Variants in KCNAB2 observed in about 807,000 individuals in gnomAD.
KCNAB2 encodes voltage-gated potassium channel subunit beta-2.
Under a neutral mutation model 63.6 loss-of-function variants are expected in KCNAB2, and 29 were observed. That is an observed-to-expected ratio of 0.46 (90% CI 0.34 to 0.62). The LOEUF is 0.62. KCNAB2 is among the 20% of genes least tolerant of loss of function. The pLI, the probability that KCNAB2 is intolerant of heterozygous loss-of-function variation, is 0.01. For missense variants in KCNAB2, 359 were observed against 563.9 expected, an observed-to-expected ratio of 0.64 and a Z score of 3.68; for synonymous variants, 222 against 224.2, an observed-to-expected ratio of 0.99 and a Z score of 0.09.
At chr1:5,993,769 C>A (rs1386626312) in intron 1 of KCNAB2, among the ~76,000 whole-genome samples, 1 of 152,232 alleles carries the variant, frequency 6.6e-6, no homozygotes, top group Non-Finnish European at 1.5e-5. Context: ...CCCCCACTTT[C>A]CTGCTCAGCC....
chr1:6,025,310 G>T (rs1265481464), intron 1 of KCNAB2, among the ~76,000 whole-genome samples: 1 of 152,116 alleles, frequency 6.6e-6, no homozygotes, highest in Non-Finnish European at 1.5e-5. Context: ...TGGGACCAGG[G>T]ACTCAACACG....
intron 2 of KCNAB2, among the ~76,000 whole-genome samples, chr1:6,056,478 C>A (rs1021385563): frequency 2.6e-5 from 4 of 152,218 alleles, no homozygotes; most frequent in Non-Finnish European, 4.4e-5. Context: ...GCACACACTT[C>A]CCCTCCCCTG....
chr1:6,096,133 GCACTGGGGCC>G lies in KCNAB2; in HGVS notation c.949-499_949-490del. 2.2e-6 allele frequency: 1 copy of G among 457,560 alleles called. No homozygotes were observed. The highest frequency in any genetic ancestry group is 2.0e-5 in the African/African-American group (1 of 50,196). 28.3% of individuals were successfully genotyped at this position (457,560 alleles called of 1,614,324 possible). A position where few individuals can be genotyped will look rare whatever the true frequency, so the allele number is the denominator to read the frequency against. ...AAAGTCTGCCCAGCCAGCAGTCTCA[GCACTGGGGCC>G]CACAGCCCTGGGTTCCAGGGCAACG... On this transcript the variant is annotated intron_variant, in intron 13 of 15. Coordinates refer to ENST00000378083, the MANE Select transcript of KCNAB2 (RefSeq NM_001199862.2). The surrounding 1 kb of genome is among the most constrained non-coding windows in gnomAD (Gnocchi z 5.9).
chr1:6,012,158 G>A (rs1207557759), intron 1 of KCNAB2, among the ~76,000 whole-genome samples: 18 of 150,638 alleles, frequency 1.2e-4, no homozygotes, highest in African/African-American at 4.2e-4. Context: ...AGGTGATGAA[G>A]GTGGAGGTGG....
rs1470917559 is a variant in KCNAB2, at chr1:6,095,645, G to A, written c.948+21G>A. ...TGAAGGTGAAGGAACAGCCTGGTGGGGAGGGACGGGCAGGGGATAGGCATT... is the reference window on the plus strand; with the variant it reads ...TGAAGGTGAAGGAACAGCCTGGTGGAGAGGGACGGGCAGGGGATAGGCATT... On this transcript the variant is annotated intron_variant, in intron 13 of 15. Coordinates refer to ENST00000378083, the MANE Select transcript of KCNAB2 (RefSeq NM_001199862.2). 4 of 1,609,132 alleles carry A rather than the reference G, an allele frequency of 2.5e-6. No homozygotes were observed. In the African/African-American group the frequency reaches 5.3e-5, roughly 21 times the overall value.
At chr1:6,050,207 G>C (rs758207604) in intron 1 of KCNAB2, among the ~76,000 whole-genome samples, 2 of 152,200 alleles carry the variant, frequency 1.3e-5, no homozygotes, top group Non-Finnish European at 2.9e-5. Context: ...TGGGGACAGT[G>C]CTGGTTCCTT....
At chr1:5,998,107 A>T (rs1363061422) in intron 1 of KCNAB2, among the ~76,000 whole-genome samples, 1 of 152,264 alleles carries the variant, frequency 6.6e-6, no homozygotes, top group African/African-American at 2.4e-5. Flanking sequence ...TGGTCTGGAA[A>T]AGGGCTCTGC....
At position 5,994,256 on chromosome 1, in the gene KCNAB2, C is replaced by G. The variant is rs114911150; in HGVS notation, c.-53+1468C>G. Among the ~76,000 whole-genome samples the G allele has an allele frequency of 6.6e-6, 1 of 152,204 alleles. No individual in the cohort carries two copies. Among genetic ancestry groups the G allele is most frequent in the East Asian group, 1.9e-4 (1 of 5,206 alleles). ...TGCTAAGGAAGCCGCATTCAGGCCC[C>G]GCGTTGCAGGTTGCAGGGTTTGGGG... On this transcript the variant is annotated intron_variant, in intron 1 of 16. Transcript: ENST00000341524. This position sits in a 1 kb window ranked among gnomAD's most constrained non-coding sequence, Gnocchi z 5.4.
intron 1 of KCNAB2, among the ~76,000 whole-genome samples, chr1:6,015,671 C>G (rs1380901559): frequency 6.6e-6 from 1 of 152,146 alleles, no homozygotes; most frequent in African/African-American, 2.4e-5. Flanking sequence ...TGATTTGGAG[C>G]TTTAGAGATT....
At chr1:6,032,584 A>AG (rs576135447), upstream of KCNAB2, among the ~76,000 whole-genome samples, 495 of 150,350 alleles carry the variant, frequency 3.3e-3, 2 homozygotes, top group African/African-American at 0.011. Flanking sequence ...AAAAAAAAAA[A>AG]AGAGAGAGAG....
chr1:6,054,878 C>T (rs1191304867), intron 2 of KCNAB2, among the ~76,000 whole-genome samples: 1 of 152,174 alleles, frequency 6.6e-6, no homozygotes, highest in Admixed American at 6.5e-5. Flanking sequence ...TTTCGTCTGC[C>T]ACACAGAAAA....
chr1:6,072,866 C>A, intron 3 of KCNAB2, 68 bp downstream of exon 3: 1 of 1,500,594 alleles, frequency 6.7e-7, no homozygotes, highest in Non-Finnish European at 9.2e-7. Flanking sequence ...ATGGACTGAA[C>A]TGGACACCCC....
At chr1:6,061,680 C>T (rs1403777118) in intron 2 of KCNAB2, among the ~76,000 whole-genome samples, 2 of 152,194 alleles carry the variant, frequency 1.3e-5, no homozygotes, top group Non-Finnish European at 2.9e-5. Context: ...TGCACTGATA[C>T]AGAGTAATCA....
intron 1 of KCNAB2, chr1:6,027,169 T>C (rs1329579190): frequency 6.5e-6 from 1 of 152,862 alleles, no homozygotes; most frequent in Non-Finnish European, 1.5e-5. Flanking sequence ...AGGATATGGG[T>C]GCAGGGTGTG....
chr1:6,046,409 C>T (rs991880737), intron 1 of KCNAB2, among the ~76,000 whole-genome samples: 3 of 152,174 alleles, frequency 2.0e-5, no homozygotes, highest in African/African-American at 4.8e-5. Context: ...AGGTTTCAGC[C>T]GGGCAGCACC....
chr1:6,003,784 T>G lies in KCNAB2; in HGVS notation c.-53+10996T>G, dbSNP rs1210811891. 6.6e-6 allele frequency among the ~76,000 whole-genome samples: 1 copy of G among 152,198 alleles called. No homozygotes were observed. Among genetic ancestry groups the G allele is most frequent in the Non-Finnish European group, 1.5e-5 (1 of 68,044 alleles). ...ACCGCAACCTCGCCAGCAATGAGTA[T>G]TTTCATTTAAAAATGTTTTTGTCTG... On this transcript the variant is annotated intron_variant, in intron 1 of 16. Transcript: ENST00000341524. The surrounding 1 kb of genome is among the most constrained non-coding windows in gnomAD (Gnocchi z 4.1).
chr1:5,994,058 T>G lies in KCNAB2; in HGVS notation c.-53+1270T>G, dbSNP rs192237428. On this transcript the variant is annotated intron_variant, in intron 1 of 16. Coordinates refer to the KCNAB2 transcript ENST00000341524. The surrounding 1 kb of genome is among the most constrained non-coding windows in gnomAD (Gnocchi z 5.4). The stretch of plus-strand genomic sequence containing the variant: ...TCTTGGGGAAGTGGGCTATTAGCAT[T>G]TATGGAAATTAATACATCCACATCC... Among the ~76,000 whole-genome samples the G allele has an allele frequency of 7.9e-4, 120 of 152,280 alleles. No individual in the cohort carries two copies. The highest frequency in any genetic ancestry group is 6.8e-3 in the Middle Eastern group (2 of 294).
At chr1:6,041,449 C>G (rs1377429497), upstream of KCNAB2, 1 of 238,664 alleles carries the variant, frequency 4.2e-6, no homozygotes, top group Admixed American at 5.3e-5. Context: ...CACGCGGGTG[C>G]TCTGCACGTC....
chr1:6,032,618 GAGAA>G (rs1044783756), upstream of KCNAB2, among the ~76,000 whole-genome samples: 11 of 150,704 alleles, frequency 7.3e-5, no homozygotes, highest in African/African-American at 2.7e-4. Flanking sequence ...AAGAAAGAAA[GAGAA>G]AGAAAGAAAA....
Sources: gnomAD v4.1 joint callset for allele counts (sites outside exome capture counted in the v4.1 genomes callset) on GRCh38, gnomAD v4.1.1 for gene constraint, Gnocchi (gnomAD v3.1) non-coding constraint, MANE v1.5 for transcripts, NCBI Gene and HGNC (gene_info 2026-07-23, HGNC 2026-07-21) for gene names.